ZNF469: variants seen among roughly 807,000 people sequenced by gnomAD.
ZNF469 encodes the protein zinc finger protein 469.
Under a neutral mutation model 1.0 loss-of-function variants are expected in ZNF469, and 1 was observed. The ratio of observed to expected loss-of-function variants is 1.00; its 90% CI spans 0.35 to 4.73. The LOEUF is 4.73. Ranked by LOEUF, ZNF469 falls within the 30% of genes most tolerant of loss-of-function variation. The pLI is 0.16. For missense variants in ZNF469, 6,100 were observed against 5,356.3 expected, an observed-to-expected ratio of 1.14 and a Z score of -4.33; for synonymous variants, 2,703 against 2,363.4, an observed-to-expected ratio of 1.14 and a Z score of -4.17.
At chr16:88,117,209 A>G in the ZNF469 span, among the ~76,000 whole-genome samples, 6 of 140,482 alleles carry the variant, frequency 4.3e-5, no homozygotes, top group Admixed American at 2.1e-4. Flanking sequence ...GGCCGGGGAC[A>G]CGTGAGAGCT....
chr16:88,351,550 C>T, the ZNF469 span, among the ~76,000 whole-genome samples: 1 of 152,188 alleles, frequency 6.6e-6, no homozygotes, highest in Non-Finnish European at 1.5e-5. Flanking sequence ...CCAGGCTCCC[C>T]AGGCGGCCTG....
At position 88,433,303 on chromosome 16, in the gene ZNF469, G is replaced by A. The variant is rs2142308468; in HGVS notation, c.5833G>A (p.Val1945Met). Residue 1945 changes from valine (V) to methionine (M), a missense_variant, in exon 3 of 3, where the codon GTG (valine) becomes ATG (methionine). Transcript: ENST00000565624. ...CCCCTCAGGTCTGGAAGGGGGCACT[G>A]TGGAAGGAGGGAAGGTGGCCTGTGG... ...VNPSGLEGGT[V>M]EGGKVACGPA... The A allele has an allele frequency of 1.9e-6, 3 of 1,550,370 alleles. No individual in the cohort carries two copies. The South Asian group carries it at 3.6e-5, about 18-fold the overall frequency.
intron 1 of ZNF469, among the ~76,000 whole-genome samples, chr16:88,383,832 C>T (rs1336702716): frequency 6.6e-6 from 1 of 152,264 alleles, no homozygotes; most frequent in Admixed American, 6.5e-5. Flanking sequence ...GGAGACCACG[C>T]CGCACCCCCG....
chr16:88,283,720 C>T, the ZNF469 span, among the ~76,000 whole-genome samples: 1 of 152,208 alleles, frequency 6.6e-6, no homozygotes, highest in East Asian at 1.9e-4. Flanking sequence ...GGATGGCCCA[C>T]CAAGGTAGCT....
chr16:88,154,089 A>G, the ZNF469 span, among the ~76,000 whole-genome samples: 1 of 152,214 alleles, frequency 6.6e-6, no homozygotes, highest in Admixed American at 6.5e-5. Context: ...GTCAGTCTCC[A>G]TCATGGTGTG....
At chr16:88,233,249 C>G in the ZNF469 span, among the ~76,000 whole-genome samples, 1 of 152,192 alleles carries the variant, frequency 6.6e-6, no homozygotes, top group Admixed American at 6.5e-5. Flanking sequence ...CCGCCAGGTT[C>G]TTTGTGTGTG....
chr16:88,313,423 T>A, the ZNF469 span, among the ~76,000 whole-genome samples: 2 of 152,236 alleles, frequency 1.3e-5, no homozygotes, highest in Non-Finnish European at 2.9e-5. Context: ...CTCCAAAAAA[T>A]GTTCAATCCT....
At chr16:88,199,124 G>C in the ZNF469 span, among the ~76,000 whole-genome samples, 1 of 152,158 alleles carries the variant, frequency 6.6e-6, no homozygotes, top group African/African-American at 2.4e-5. Context: ...TCAGACCGCA[G>C]CTGAGGGCCC....
the ZNF469 span, among the ~76,000 whole-genome samples, chr16:88,367,026 A>C: frequency 2.0e-5 from 3 of 151,452 alleles, no homozygotes; most frequent in Non-Finnish European, 3.0e-5. Context: ...ACCACCACCA[A>C]CATCATCACC....
the ZNF469 span, among the ~76,000 whole-genome samples, chr16:88,156,300 C>G: frequency 6.6e-6 from 1 of 152,070 alleles, no homozygotes; most frequent in African/African-American, 2.4e-5. Context: ...ATATAAGAAA[C>G]CATTGCCTGA....
chr16:88,161,043 C>T, the ZNF469 span, among the ~76,000 whole-genome samples: 3 of 151,956 alleles, frequency 2.0e-5, no homozygotes, highest in South Asian at 2.1e-4. Flanking sequence ...TACCTGTAAT[C>T]CCAGCTACTC....
At chr16:88,385,757 C>G (rs945614097) in intron 1 of ZNF469, among the ~76,000 whole-genome samples, 7 of 152,128 alleles carry the variant, frequency 4.6e-5, no homozygotes, top group Admixed American at 1.3e-4. Context: ...GGAACAGCTG[C>G]TAGGGGCTGT....
At chr16:88,318,129 C>T in the ZNF469 span, among the ~76,000 whole-genome samples, 1 of 152,244 alleles carries the variant, frequency 6.6e-6, no homozygotes, top group Non-Finnish European at 1.5e-5. Context: ...CAGGTTTGGA[C>T]AGCCGGTGGC....
chr16:88,125,997 T>G, the ZNF469 span, among the ~76,000 whole-genome samples: 1 of 151,678 alleles, frequency 6.6e-6, no homozygotes, highest in Non-Finnish European at 1.5e-5. Context: ...GAGACGAGCC[T>G]GGGCAACATG....
chr16:88,385,642 C>CA (rs66861611), intron 1 of ZNF469, among the ~76,000 whole-genome samples: 44,074 of 132,980 alleles, frequency 0.33, 6,890 homozygotes, highest in Non-Finnish European at 0.36. Context: ...GACTCTGTCT[C>CA]AAAAAAAAAA....
the ZNF469 span, among the ~76,000 whole-genome samples, chr16:88,262,464 T>C: frequency 6.6e-6 from 1 of 152,144 alleles, no homozygotes; most frequent in Non-Finnish European, 1.5e-5. This position sits in a 1 kb window ranked among gnomAD's most constrained non-coding sequence, Gnocchi z 4.3. Context: ...AGCTACAGTT[T>C]GCAGGTCACG....
Position 88,435,937 on chromosome 16 carries a change from G to A in ZNF469, c.8467G>A (p.Asp2823Asn). 6.5e-7 allele frequency: 1 copy of A among 1,550,026 alleles called. No homozygotes were observed. Among genetic ancestry groups the A allele is most frequent in the East Asian group, 2.4e-5 (1 of 40,918 alleles). The change falls in exon 3 of 3, where the codon GAC becomes AAC. Residue 2823 changes from aspartate (D) to asparagine (N), a missense_variant. By Grantham distance (23) the Asp-to-Asn change is conservative. Coordinates refer to ENST00000565624, the MANE Select transcript of ZNF469 (RefSeq NM_001367624.2). ...TTSSCLQGLP[D>N]NPDTQGGVQG... ...CAGCAGCTGCCTCCAGGGCCTCCCG[G>A]ACAACCCAGACACCCAGGGTGGAGT...
chr16:88,433,336 C>T lies in ZNF469; in HGVS notation c.5866C>T (p.Gln1956Ter). 1 of 1,550,284 alleles carries T rather than the reference C, an allele frequency of 6.5e-7. No homozygotes were observed. The highest frequency in any genetic ancestry group is 8.7e-7 in the Non-Finnish European group (1 of 1,146,912). The change falls in exon 3 of 3, where the codon CAG (glutamine) becomes TAG (stop). Residue 1956 changes from glutamine to a stop codon, truncating the protein, a stop_gained. Coordinates refer to ENST00000565624, the MANE Select transcript of ZNF469 (RefSeq NM_001367624.2). LOFTEE classifies it low-confidence loss of function (END_TRUNC). ...AGGGAAGGTGGCCTGTGGCCCCGCCCAGGGCTCCCCAGGGGGTGTGCAGGT... is the reference window on the plus strand; with the variant it reads ...AGGGAAGGTGGCCTGTGGCCCCGCCTAGGGCTCCCCAGGGGGTGTGCAGGT... ...EGGKVACGPA[Q>*]GSPGGVQVTT...
chr16:88,222,560 C>G, the ZNF469 span, among the ~76,000 whole-genome samples: 2 of 152,166 alleles, frequency 1.3e-5, no homozygotes, highest in Admixed American at 1.3e-4. Context: ...GAGTTTGAGT[C>G]CAGCCTGACC....
Sources: gnomAD v4.1 joint callset for allele counts (sites outside exome capture counted in the v4.1 genomes callset) on GRCh38, gnomAD v4.1.1 for gene constraint, Gnocchi (gnomAD v3.1) non-coding constraint, MANE v1.5 for transcripts, NCBI Gene and HGNC (gene_info 2026-07-23, HGNC 2026-07-21) for gene names.